DNAH7: variants seen among roughly 807,000 people sequenced by gnomAD.
DNAH7 encodes dynein axonemal heavy chain 7.
In DNAH7, 397 loss-of-function variants were observed where a neutral mutation model predicts 444.6. The ratio of observed to expected loss-of-function variants is 0.89; its 90% CI spans 0.82 to 0.97. The LOEUF (loss-of-function observed/expected upper bound fraction) is 0.97, where lower values mean the gene tolerates loss of function less well. Among genes scored for constraint, DNAH7 ranks in the 50% least tolerant of loss-of-function variants. The pLI is 0.00. For synonymous variants in DNAH7, 1,636 were observed against 1,624.4 expected, an observed-to-expected ratio of 1.01 and a Z score of -0.17; for missense variants, 4,902 against 4,800.8, an observed-to-expected ratio of 1.02 and a Z score of -0.62.
chr2:195,778,910 C>T (rs1397656394), intron 58 of DNAH7, among the ~76,000 whole-genome samples: 3 of 148,130 alleles, frequency 2.0e-5, no homozygotes, highest in African/African-American at 7.5e-5. Flanking sequence ...ATGGCACGAT[C>T]TCGGCTCACT....
At chr2:195,831,023 C>T (rs926559090) in intron 48 of DNAH7, among the ~76,000 whole-genome samples, 2 of 151,808 alleles carry the variant, frequency 1.3e-5, no homozygotes, top group African/African-American at 4.8e-5. Context: ...TTGTTACATA[C>T]AAGGGGGAAA....
At chr2:195,761,828 A>G (rs915311312) in intron 61 of DNAH7, among the ~76,000 whole-genome samples, 2 of 152,218 alleles carry the variant, frequency 1.3e-5, no homozygotes, top group Middle Eastern at 3.2e-3. Context: ...TCTATAAGAA[A>G]TACTAAAGGG....
intron 48 of DNAH7, among the ~76,000 whole-genome samples, chr2:195,827,787 G>A (rs972589489): frequency 8.6e-5 from 13 of 151,132 alleles, no homozygotes; most frequent in Admixed American, 7.9e-4. Flanking sequence ...ACATTGCCCA[G>A]ACTGGTCTCA....
intron 63 of DNAH7, among the ~76,000 whole-genome samples, chr2:195,743,733 G>C (rs1027591756): frequency 6.6e-6 from 1 of 152,154 alleles, no homozygotes; most frequent in Non-Finnish European, 1.5e-5. Flanking sequence ...TAGCTAAGTA[G>C]GAAGGAAAAA....
At chr2:195,845,293 G>T in intron 46 of DNAH7, 128 bp from the exon 47 acceptor site, 1 of 672,214 alleles carries the variant, frequency 1.5e-6, no homozygotes, top group Non-Finnish European at 2.2e-6. Context: ...CCTCAAAAAT[G>T]ATTTCTGTTT....
intron 25 of DNAH7, 124 bp downstream of exon 25, chr2:195,909,903 G>A (rs1234214835): frequency 1.0e-6 from 1 of 970,148 alleles, no homozygotes; most frequent in Non-Finnish European, 1.5e-6. Flanking sequence ...TTGAGATAGT[G>A]CTTCAATTTT....
chr2:196,009,717 A>G (rs1412354666), intron 10 of DNAH7, among the ~76,000 whole-genome samples: 1 of 152,230 alleles, frequency 6.6e-6, no homozygotes, highest in Non-Finnish European at 1.5e-5. Context: ...GACAAAGTAG[A>G]GAGACAACCT....
At chr2:195,747,022 C>T (rs1328339312) in intron 63 of DNAH7, among the ~76,000 whole-genome samples, 2 of 151,976 alleles carry the variant, frequency 1.3e-5, no homozygotes, top group African/African-American at 4.8e-5. Flanking sequence ...GAAATAGAGA[C>T]ACAAAAAAAC....
At position 195,799,492 on chromosome 2, in the gene DNAH7, T is replaced by C. The variant is rs745585320; in HGVS notation, c.10177-20A>G. 2.6e-6 allele frequency: 4 copies of C among 1,528,130 alleles called. No individual in the cohort carries two copies. The highest frequency in any genetic ancestry group is 1.3e-5 in the South Asian group (1 of 74,266). The allele number at this position is 1,528,130 out of a possible 1,614,324, so 94.7% of individuals were successfully genotyped here. ...AATAACCTAGAAAGAGACAAGGATA[T>C]AGTTGGAAGAATATTCAAAATCTGC... On this transcript the variant is annotated intron_variant, in intron 54 of 64. Transcript: ENST00000312428.
At chr2:196,047,741 A>C (rs13028941) in intron 4 of DNAH7, among the ~76,000 whole-genome samples, 1 of 151,304 alleles carries the variant, frequency 6.6e-6, no homozygotes, top group African/African-American at 2.4e-5. Flanking sequence ...TAATATACTA[A>C]TAAAATTTTC....
At chr2:195,822,645 G>A (rs75061349) in intron 49 of DNAH7, among the ~76,000 whole-genome samples, 4,802 of 152,076 alleles carry the variant, frequency 0.032, 93 homozygotes, top group Middle Eastern at 0.054. Context: ...GACACTCTAG[G>A]GATCTTAAGG....
chr2:195,766,370 G>C (rs1694590710), intron 61 of DNAH7, among the ~76,000 whole-genome samples: 1 of 151,616 alleles, frequency 6.6e-6, no homozygotes, highest in African/African-American at 2.4e-5. Context: ...GTTTCGCCCT[G>C]TTGGCCAGGC....
intron 12 of DNAH7, among the ~76,000 whole-genome samples, chr2:195,991,418 A>G (rs897070464): frequency 2.0e-4 from 31 of 152,290 alleles, no homozygotes; most frequent in Non-Finnish European, 4.4e-5. Context: ...TAAATACTGC[A>G]ATTTTATTTA....
intron 64 of DNAH7, 116 bp downstream of exon 64, chr2:195,740,650 T>TATATATATATATATATAC (rs1453163601): frequency 1.4e-5 from 1 of 72,222 alleles, no homozygotes; most frequent in African/African-American, 6.6e-5. Flanking sequence ...TATATACATA[T>TATATATATATATATATAC]ACACACACAC....
intron 40 of DNAH7, among the ~76,000 whole-genome samples, chr2:195,866,134 A>G (rs367906641): frequency 6.6e-6 from 1 of 152,236 alleles, no homozygotes; most frequent in South Asian, 2.1e-4. Flanking sequence ...AAATGTCTGC[A>G]TCAACTTCTT....
At position 195,805,831 on chromosome 2, in the gene DNAH7, C is replaced by T. The variant is rs1042666317; in HGVS notation, c.10176+909G>A. On this transcript the variant is annotated intron_variant, in intron 54 of 64. Transcript: ENST00000312428. ...AGACTGCCACATCATGCAAGAATTA[C>T]ATGTGTTCAGTGAACAGAGTAGGGC... Among the ~76,000 whole-genome samples, 12 of 152,266 alleles carry T rather than the reference C, an allele frequency of 7.9e-5. No individual in the cohort carries two copies. The East Asian group carries it at 2.1e-3, about 27-fold the overall frequency.
intron 21 of DNAH7, among the ~76,000 whole-genome samples, chr2:195,931,388 T>C (rs940809686): frequency 6.6e-6 from 1 of 152,120 alleles, no homozygotes; most frequent in Non-Finnish European, 1.5e-5. Context: ...TTCACTCTGA[T>C]GGTAGTTTCT....
At chr2:196,047,236 T>G (rs1175969508) in intron 5 of DNAH7, 116 bp downstream of exon 5, 1 of 861,132 alleles carries the variant, frequency 1.2e-6, no homozygotes, top group African/African-American at 1.7e-5. Context: ...TCTGACCTCA[T>G]TCCAACAAGC....
intron 26 of DNAH7, 52 bp downstream of exon 26, chr2:195,906,855 C>G (rs1687057636): frequency 5.0e-6 from 8 of 1,605,588 alleles, no homozygotes; most frequent in Non-Finnish European, 6.8e-6. Flanking sequence ...CATTCACTAC[C>G]TCTCATATTT....
Sources: gnomAD v4.1 joint callset for allele counts (sites outside exome capture counted in the v4.1 genomes callset) on GRCh38, gnomAD v4.1.1 for gene constraint, MANE v1.5 for transcripts, NCBI Gene and HGNC (gene_info 2026-07-23, HGNC 2026-07-21) for gene names.